The following NELL1 variants were observed in gnomAD, a reference collection of about 807,000 sequenced individuals.
The protein encoded by NELL1 is neural EGFL like 1, also known as protein kinase C-binding protein NELL1.
In NELL1, 76 loss-of-function variants were observed where a neutral mutation model predicts 107.4. The observed-to-expected ratio is 0.71, with a 90% CI of 0.59 to 0.86. NELL1 has a LOEUF of 0.86. Among genes scored for constraint, NELL1 ranks in the 40% least tolerant of loss-of-function variants. The pLI is 0.00. For synonymous variants in NELL1, 353 were observed against 341.2 expected, an observed-to-expected ratio of 1.03 and a Z score of -0.38; for missense variants, 1,024 against 1,005.5, an observed-to-expected ratio of 1.02 and a Z score of -0.25.
intron 15 of NELL1, among the ~76,000 whole-genome samples, chr11:21,395,543 G>A (rs192678275): frequency 6.6e-6 from 1 of 151,612 alleles, no homozygotes; most frequent in Admixed American, 6.6e-5. Flanking sequence ...TCTAACTTCT[G>A]TTTAAATGAT....
chr11:20,895,128 C>T (rs1218779077), intron 5 of NELL1, among the ~76,000 whole-genome samples: 6 of 143,998 alleles, frequency 4.2e-5, no homozygotes, highest in Non-Finnish European at 6.0e-5. Context: ...AAAAATTAGC[C>T]GGGCGTAGTG....
chr11:21,271,233 G>A (rs1848733476), intron 14 of NELL1, among the ~76,000 whole-genome samples: 1 of 152,136 alleles, frequency 6.6e-6, no homozygotes, highest in South Asian at 2.1e-4. Flanking sequence ...CAACAAAATT[G>A]ATGAACCTCC....
chr11:21,261,618 C>T (rs1848533895), intron 14 of NELL1, among the ~76,000 whole-genome samples: 1 of 151,684 alleles, frequency 6.6e-6, no homozygotes, highest in Admixed American at 6.6e-5. Context: ...AGAATTTGCC[C>T]AAGGTCAAGT....
chr11:21,017,627 A>T (rs952346387), intron 12 of NELL1, among the ~76,000 whole-genome samples: 5 of 152,132 alleles, frequency 3.3e-5, no homozygotes, highest in African/African-American at 1.2e-4. Context: ...CTCTTTGAAC[A>T]TATTATATAC....
At chr11:21,354,356 T>C (rs907302093) in intron 14 of NELL1, among the ~76,000 whole-genome samples, 12 of 152,164 alleles carry the variant, frequency 7.9e-5, no homozygotes, top group Admixed American at 5.2e-4. Flanking sequence ...CCTCCCTCCT[T>C]CTTTCTACTC....
intron 15 of NELL1, among the ~76,000 whole-genome samples, chr11:21,530,262 C>T (rs4923635): frequency 0.15 from 22,676 of 151,960 alleles, 1,881 homozygotes; most frequent in African/African-American, 0.21. Context: ...GTATGAAATA[C>T]GAAAGTACCT....
intron 3 of NELL1, among the ~76,000 whole-genome samples, chr11:20,820,667 T>C (rs2134024100): frequency 6.6e-6 from 1 of 152,262 alleles, no homozygotes; most frequent in South Asian, 2.1e-4. Context: ...CACAGGCATG[T>C]CCAGCTTCCT....
chr11:21,456,538 A>AT (rs760079086), intron 15 of NELL1, among the ~76,000 whole-genome samples: 3 of 151,454 alleles, frequency 2.0e-5, no homozygotes, highest in Non-Finnish European at 2.9e-5. Context: ...GTGAAAAAGT[A>AT]TTTTTTTTTG....
chr11:21,131,542 C>G (rs529573166), intron 13 of NELL1, among the ~76,000 whole-genome samples: 2 of 152,170 alleles, frequency 1.3e-5, no homozygotes, highest in African/African-American at 4.8e-5. Context: ...TAAGTGCTGA[C>G]GTCTTTGAAG....
At chr11:21,278,022 C>T (rs1165230440) in intron 14 of NELL1, among the ~76,000 whole-genome samples, 2 of 148,824 alleles carry the variant, frequency 1.3e-5, no homozygotes, top group African/African-American at 5.0e-5. Context: ...ACGTTGTGCA[C>T]ATGTACCCTA....
intron 12 of NELL1, among the ~76,000 whole-genome samples, chr11:21,023,556 C>T (rs529301452): frequency 6.6e-6 from 1 of 152,072 alleles, no homozygotes; most frequent in African/African-American, 2.4e-5. Context: ...AAATCAGAAA[C>T]TATTCAATGC....
chr11:21,518,918 C>G (rs2133953190), intron 15 of NELL1, among the ~76,000 whole-genome samples: 2 of 152,228 alleles, frequency 1.3e-5, no homozygotes, highest in East Asian at 3.9e-4. Flanking sequence ...GTAATTGTGA[C>G]TTAATAATAA....
chr11:20,673,851 T>C (rs1216227724), intron 1 of NELL1, among the ~76,000 whole-genome samples: 1 of 151,948 alleles, frequency 6.6e-6, no homozygotes, highest in Non-Finnish European at 1.5e-5. Flanking sequence ...CATTTTTTTT[T>C]TTTATGAGAC....
chr11:20,922,127 A>G (rs1426756212), intron 7 of NELL1, among the ~76,000 whole-genome samples: 1 of 152,020 alleles, frequency 6.6e-6, no homozygotes, highest in Non-Finnish European at 1.5e-5. Flanking sequence ...AAATCTTTAT[A>G]TAGGGGTTTG....
At chr11:21,522,853 T>TC (rs1855763585) in intron 15 of NELL1, among the ~76,000 whole-genome samples, 1 of 135,956 alleles carries the variant, frequency 7.4e-6, no homozygotes, top group Non-Finnish European at 1.6e-5. Context: ...TTTTTTTTTT[T>TC]TTTTTGAGAC....
chr11:20,889,366 C>T (rs1313483517), intron 5 of NELL1, among the ~76,000 whole-genome samples: 1 of 152,132 alleles, frequency 6.6e-6, no homozygotes, highest in Non-Finnish European at 1.5e-5. Flanking sequence ...AAATAACTTT[C>T]AAATGTAGTA....
At chr11:20,871,087 T>C (rs1849187169) in intron 4 of NELL1, among the ~76,000 whole-genome samples, 1 of 152,164 alleles carries the variant, frequency 6.6e-6, no homozygotes, top group African/African-American at 2.4e-5. Flanking sequence ...CTTCTTCACT[T>C]TTTGTTTTTG....
intron 12 of NELL1, among the ~76,000 whole-genome samples, chr11:21,064,286 TA>T (rs1399194756): frequency 6.6e-6 from 1 of 152,120 alleles, no homozygotes; most frequent in Non-Finnish European, 1.5e-5. Flanking sequence ...TCCTCTTTAA[TA>T]AATTTACACA....
chr11:20,978,720 T>C (rs1851690340), intron 12 of NELL1, among the ~76,000 whole-genome samples: 1 of 152,164 alleles, frequency 6.6e-6, no homozygotes, highest in South Asian at 2.1e-4. Flanking sequence ...CTGTCTGTAA[T>C]AAACCTGTCC....
Sources: gnomAD v4.1 joint callset for allele counts (sites outside exome capture counted in the v4.1 genomes callset) on GRCh38, gnomAD v4.1.1 for gene constraint, MANE v1.5 for transcripts, NCBI Gene and HGNC (gene_info 2026-07-23, HGNC 2026-07-21) for gene names.